Variants in PSPC1 observed in about 807,000 individuals in gnomAD.
PSPC1 encodes paraspeckle protein 1.
Under a neutral mutation model 51.6 loss-of-function variants are expected in PSPC1, and 14 were observed. The observed-to-expected ratio is 0.27, with a 90% CI of 0.18 to 0.42. PSPC1 has a LOEUF of 0.42. Among genes scored for constraint, PSPC1 ranks in the 10% least tolerant of loss-of-function variants. The probability of loss-of-function intolerance (pLI) is 1.00; values close to 1 mark genes in which losing one functional copy is unlikely to be tolerated. For synonymous variants in PSPC1, 193 were observed against 231.9 expected (o/e 0.83, Z 1.53); for missense variants, 406 against 701.1 (o/e 0.58, Z 4.75).
At chr13:19,729,638 TAA>T (rs113820678) in intron 6 of PSPC1, among the ~76,000 whole-genome samples, 4 of 145,606 alleles carry the variant, frequency 2.7e-5, no homozygotes, top group African/African-American at 2.5e-5. Flanking sequence ...ACCAAATGTT[TAA>T]AAAAAAAAAA....
chr13:19,696,657 C>A (rs1452466510), intron 6 of PSPC1, among the ~76,000 whole-genome samples: 3 of 152,102 alleles, frequency 2.0e-5, no homozygotes, highest in Non-Finnish European at 4.4e-5. Context: ...GAAAGTCAGG[C>A]CATCATTTTA....
chr13:19,692,938 C>A lies in PSPC1; in HGVS notation c.1159-15115G>T, dbSNP rs993497430. 1.2e-4 allele frequency among the ~76,000 whole-genome samples: 19 copies of A among 152,156 alleles called. 1 individual carries two copies. The highest frequency in any genetic ancestry group is 5.9e-5 in the Non-Finnish European group (4 of 68,012). On this transcript the variant is annotated intron_variant and NMD_transcript_variant, in intron 6 of 7. Transcript: ENST00000471658. ...GTCTCTCTGCTCCAGAACATTGTTT[C>A]CAGTCCAGTCACTCTTACATTTAAC...
intron 6 of PSPC1, among the ~76,000 whole-genome samples, chr13:19,717,596 C>T (rs1882256602): frequency 6.7e-6 from 1 of 148,736 alleles, no homozygotes; most frequent in Non-Finnish European, 1.5e-5. Context: ...GTCCCAGCTA[C>T]TCGGGAGGCT....
intron 5 of PSPC1, among the ~76,000 whole-genome samples, chr13:19,736,465 C>G (rs1013930761): frequency 7.9e-5 from 12 of 151,992 alleles, no homozygotes; most frequent in Non-Finnish European, 1.5e-4. Flanking sequence ...GGGCGGATCA[C>G]AAGGTCAGCA....
chr13:19,720,165 CTG>C (rs1882590231), intron 6 of PSPC1, among the ~76,000 whole-genome samples: 1 of 152,144 alleles, frequency 6.6e-6, no homozygotes, highest in African/African-American at 2.4e-5. Flanking sequence ...AGGATACCAG[CTG>C]TAAGACAAAC....
intron 1 of PSPC1, among the ~76,000 whole-genome samples, chr13:19,781,298 C>T (rs1411272362): frequency 2.0e-5 from 3 of 152,018 alleles, no homozygotes; most frequent in African/African-American, 7.2e-5. Flanking sequence ...ACTACAGGCG[C>T]GCACCACCAC....
rs181010461 is a variant in PSPC1, at chr13:19,755,703, T to C, written c.770+3620A>G. On this transcript the variant is annotated intron_variant, in intron 3 of 8. Transcript: ENST00000338910. The stretch of plus-strand genomic sequence containing the variant: ...CACAGTCTGATGGTTCTTCCCCCTA[T>C]TCCAATGAATGAATGCTCCCTTCTC... Among the ~76,000 whole-genome samples, 522 of 152,280 alleles carry C rather than the reference T, an allele frequency of 3.4e-3. 10 individuals are homozygous for C. The highest frequency in any genetic ancestry group is 8.8e-4 in the Non-Finnish European group (60 of 68,022).
At chr13:19,773,991 G>T (rs1290791618) in intron 1 of PSPC1, among the ~76,000 whole-genome samples, 1 of 152,020 alleles carries the variant, frequency 6.6e-6, no homozygotes, top group Non-Finnish European at 1.5e-5. Context: ...TGAAATACTG[G>T]CATGGGTTAC....
chr13:19,684,465 T>A (rs1877626523), intron 6 of PSPC1, among the ~76,000 whole-genome samples: 1 of 152,236 alleles, frequency 6.6e-6, no homozygotes, highest in East Asian at 1.9e-4. Context: ...ATCATGTTCA[T>A]ATATCATGAA....
chr13:19,757,815 T>C (rs1319935356), intron 3 of PSPC1, among the ~76,000 whole-genome samples: 2 of 152,092 alleles, frequency 1.3e-5, no homozygotes, highest in Non-Finnish European at 2.9e-5. Flanking sequence ...GACTGGTTTT[T>C]AAAAATATAA....
At chr13:19,771,207 G>A (rs561036977) in intron 2 of PSPC1, among the ~76,000 whole-genome samples, 2 of 152,204 alleles carry the variant, frequency 1.3e-5, no homozygotes, top group Admixed American at 6.5e-5. Flanking sequence ...GCACAATCTG[G>A]ACTCACTGCA....
In PSPC1 at chr13:19,772,600, C is replaced by G. The variant is rs542120487; in HGVS notation, c.373-57G>C. The G allele has an allele frequency of 4.6e-6, 7 of 1,507,188 alleles. No homozygotes were observed. The African/African-American group carries it at 9.8e-5, about 21-fold the overall frequency. 93.4% of individuals were successfully genotyped at this position (1,507,188 alleles called of 1,614,324 possible). On this transcript the variant is annotated intron_variant, in intron 1 of 8. Coordinates refer to ENST00000338910, the MANE Select transcript of PSPC1 (RefSeq NM_001354909.2). ...TGACAGTAACAGAAAAAATTCAAAACAGTGTTTGGCTTCTAGGGAGAACTA... is the reference window on the plus strand; with the variant it reads ...TGACAGTAACAGAAAAAATTCAAAAGAGTGTTTGGCTTCTAGGGAGAACTA...
At chr13:19,769,132 C>T (rs1888367763) in intron 2 of PSPC1, among the ~76,000 whole-genome samples, 1 of 151,006 alleles carries the variant, frequency 6.6e-6, no homozygotes, top group South Asian at 2.1e-4. Context: ...CATTAAGACT[C>T]TGCCTCAAAA....
At chr13:19,717,638 G>A (rs1882261944) in intron 6 of PSPC1, among the ~76,000 whole-genome samples, 1 of 150,820 alleles carries the variant, frequency 6.6e-6, no homozygotes, top group Non-Finnish European at 1.5e-5. Context: ...ACCAGAAGGT[G>A]GAGGCTGCAA....
At chr13:19,694,055 GGAGCCTGCA>G (rs1387345224) in intron 6 of PSPC1, among the ~76,000 whole-genome samples, 6 of 148,974 alleles carry the variant, frequency 4.0e-5, no homozygotes, top group Non-Finnish European at 8.9e-5. Flanking sequence ...CCCGGGAGGC[GGAGCCTGCA>G]GTGAGCCGAG....
chr13:19,683,261 C>G lies in PSPC1; in HGVS notation c.1159-5438G>C, dbSNP rs77059946. Among the ~76,000 whole-genome samples, 821 of 152,148 alleles carry G rather than the reference C, an allele frequency of 5.4e-3. 5 individuals carry two copies. Among genetic ancestry groups the G allele is most frequent in the Middle Eastern group, 0.017 (5 of 294 alleles). On this transcript the variant is annotated intron_variant and NMD_transcript_variant, in intron 6 of 7. Coordinates refer to the PSPC1 transcript ENST00000471658. ...ATAGCCCCAAAAATAAAAACTGCCC[C>G]AAGAGCATATCAATAGAAAACTAGA... is the stretch of plus-strand genomic sequence containing the variant.
At chr13:19,763,217 G>A (rs1887753939) in intron 2 of PSPC1, among the ~76,000 whole-genome samples, 1 of 152,018 alleles carries the variant, frequency 6.6e-6, no homozygotes, top group Non-Finnish European at 1.5e-5. Context: ...GTGCAGTGGG[G>A]CGATCACAGC....
intron 6 of PSPC1, among the ~76,000 whole-genome samples, chr13:19,688,745 G>A (rs138766221): frequency 8.0e-4 from 122 of 152,102 alleles, no homozygotes; most frequent in African/African-American, 2.4e-3. Context: ...TGACTCGAGC[G>A]TCTACTAACT....
chr13:19,776,914 T>G (rs1889197428), intron 1 of PSPC1, among the ~76,000 whole-genome samples: 1 of 150,246 alleles, frequency 6.7e-6, no homozygotes, highest in South Asian at 2.1e-4. Context: ...TCACCTGAGG[T>G]CAGGAGTTCA....
Sources: allele counts gnomAD v4.1 joint callset (sites outside exome capture counted in the v4.1 genomes callset), GRCh38; gene constraint gnomAD v4.1.1; transcripts MANE v1.5; gene names NCBI Gene and HGNC (gene_info 2026-07-23, HGNC 2026-07-21).